ARHGAP24: variants seen among roughly 807,000 people sequenced by gnomAD.
ARHGAP24 encodes rho GTPase-activating protein 24.
A neutral mutation model predicts 76.4 loss-of-function variants in ARHGAP24; 50 were observed. The observed-to-expected ratio is 0.65, with a 90% CI of 0.52 to 0.83. The LOEUF is 0.83. Ranked by LOEUF, ARHGAP24 falls within the 40% of genes least tolerant of loss-of-function variation. ARHGAP24 has a pLI of 0.00. For synonymous variants in ARHGAP24, 345 were observed against 323.3 expected, an observed-to-expected ratio of 1.07 and a Z score of -0.72; for missense variants, 930 against 914.2, an observed-to-expected ratio of 1.02 and a Z score of -0.22.
chr4:85,874,918 A>AT lies in ARHGAP24; in HGVS notation c.269-48727dup, dbSNP rs1198185274. ...TTTTATATAATTTATATATAAATATATTTATATATAATTTATATATAATAT... is the reference window on the plus strand; with the variant it reads ...TTTTATATAATTTATATATAAATATATTTTATATATAATTTATATATAATAT... On this transcript the variant is annotated intron_variant, in intron 3 of 9. Transcript: ENST00000395184. Among the ~76,000 whole-genome samples, 40 of 87,430 alleles carry AT rather than the reference A, an allele frequency of 4.6e-4. 4 individuals carry two copies. The highest frequency in any genetic ancestry group is 1.3e-3 in the African/African-American group (27 of 20,452). 57.4% of individuals were successfully genotyped at this position (87,430 alleles called of 152,430 possible). A position where few individuals can be genotyped will look rare whatever the true frequency, so the allele number is the denominator to read the frequency against.
intron 2 of ARHGAP24, among the ~76,000 whole-genome samples, chr4:85,700,831 C>T (rs1028515365): frequency 6.6e-6 from 1 of 152,160 alleles, no homozygotes. Flanking sequence ...TGGAAAATCA[C>T]TCTATTTTTG....
chr4:85,686,299 AG>A (rs1723420224), intron 2 of ARHGAP24, among the ~76,000 whole-genome samples: 1 of 152,230 alleles, frequency 6.6e-6, no homozygotes, highest in Non-Finnish European at 1.5e-5. Flanking sequence ...ATGAAAATAA[AG>A]GAAATGGAGC....
chr4:85,535,763 T>TC (rs1339578348), intron 1 of ARHGAP24, among the ~76,000 whole-genome samples: 2 of 152,148 alleles, frequency 1.3e-5, no homozygotes, highest in Admixed American at 1.3e-4. Flanking sequence ...TGAATATGTC[T>TC]CCCCCCTATC....
intron 4 of ARHGAP24, among the ~76,000 whole-genome samples, chr4:85,940,466 A>G (rs1736893410): frequency 6.6e-6 from 1 of 152,104 alleles, no homozygotes; most frequent in Non-Finnish European, 1.5e-5. Context: ...AAAGGTTACA[A>G]GAAGACTTAT....
intron 8 of ARHGAP24, among the ~76,000 whole-genome samples, chr4:85,981,505 T>C (rs1316132086): frequency 6.6e-6 from 1 of 152,150 alleles, no homozygotes; most frequent in Admixed American, 6.6e-5. Context: ...AAATGACATG[T>C]TGTCACAACT....
intron 3 of ARHGAP24, among the ~76,000 whole-genome samples, chr4:85,811,467 G>T (rs533104056): frequency 1.1e-3 from 161 of 152,262 alleles, no homozygotes; most frequent in African/African-American, 3.6e-3. Flanking sequence ...TAATATGCAA[G>T]GGGAGCTCAC....
chr4:85,542,515 G>T (rs1725742345), intron 1 of ARHGAP24, among the ~76,000 whole-genome samples: 1 of 152,164 alleles, frequency 6.6e-6, no homozygotes, highest in South Asian at 2.1e-4. Flanking sequence ...TTTCTGTGCA[G>T]TTTGACTAAT....
chr4:85,977,240 T>G (rs1258590267), intron 7 of ARHGAP24, among the ~76,000 whole-genome samples: 2 of 152,206 alleles, frequency 1.3e-5, no homozygotes, highest in Admixed American at 1.3e-4. Context: ...AAATTATTAC[T>G]TTATTGAGGG....
intron 1 of ARHGAP24, among the ~76,000 whole-genome samples, chr4:85,565,612 C>T (rs1726809218): frequency 6.6e-6 from 1 of 152,188 alleles, no homozygotes; most frequent in Admixed American, 6.5e-5. Flanking sequence ...CGTGCATTCA[C>T]TGAGTGGATG....
At chr4:85,664,637 C>T (rs1722537823) in intron 2 of ARHGAP24, among the ~76,000 whole-genome samples, 1 of 150,490 alleles carries the variant, frequency 6.6e-6, no homozygotes, top group Admixed American at 6.6e-5. Flanking sequence ...CCTGCTTTCT[C>T]TTGTGGGCAT....
intron 2 of ARHGAP24, among the ~76,000 whole-genome samples, chr4:85,679,405 G>A (rs192669697): frequency 1.2e-4 from 18 of 152,238 alleles, no homozygotes; most frequent in East Asian, 1.9e-4. Flanking sequence ...CTGAACAGCC[G>A]TGCCAAAATG....
At chr4:85,777,008 G>A (rs1456671108) in intron 3 of ARHGAP24, among the ~76,000 whole-genome samples, 1 of 152,136 alleles carries the variant, frequency 6.6e-6, no homozygotes, top group East Asian at 1.9e-4. Context: ...CTTAACCTTT[G>A]CATAGGGCTC....
chr4:85,816,036 A>T (rs1311391132), intron 3 of ARHGAP24, among the ~76,000 whole-genome samples: 1 of 152,132 alleles, frequency 6.6e-6, no homozygotes, highest in Non-Finnish European at 1.5e-5. Context: ...CTACCACGAG[A>T]ACAGCATGGG....
At chr4:85,788,595 G>A (rs891784630) in intron 3 of ARHGAP24, among the ~76,000 whole-genome samples, 2 of 152,124 alleles carry the variant, frequency 1.3e-5, no homozygotes, top group Non-Finnish European at 2.9e-5. Context: ...CACTTTAGAC[G>A]GTTTAATAGA....
chr4:85,982,373 T>TTTTTG (rs6148555), intron 8 of ARHGAP24, among the ~76,000 whole-genome samples: 5,864 of 150,264 alleles, frequency 0.039, 249 homozygotes, highest in African/African-American at 0.1. Context: ...AGATAAGTTG[T>TTTTTG]TTTTGTTTTG....
chr4:85,932,611 C>T (rs181981640), intron 4 of ARHGAP24, among the ~76,000 whole-genome samples: 1 of 152,288 alleles, frequency 6.6e-6, no homozygotes, highest in Admixed American at 6.5e-5. Flanking sequence ...GGGTAGGGCA[C>T]AGCTTCCATC....
intron 3 of ARHGAP24, among the ~76,000 whole-genome samples, chr4:85,888,503 C>A (rs1733699875): frequency 6.6e-6 from 1 of 151,426 alleles, no homozygotes; most frequent in Admixed American, 6.6e-5. Context: ...TTGCTCTGAG[C>A]AGCAATTATT....
intron 3 of ARHGAP24, among the ~76,000 whole-genome samples, chr4:85,881,107 C>A (rs1733226787): frequency 6.6e-6 from 1 of 152,140 alleles, no homozygotes; most frequent in Non-Finnish European, 1.5e-5. Context: ...CACTGTGATA[C>A]CGCAACAATC....
At chr4:85,755,843 G>A (rs1696769276) in intron 3 of ARHGAP24, among the ~76,000 whole-genome samples, 2 of 151,898 alleles carry the variant, frequency 1.3e-5, no homozygotes, top group South Asian at 2.1e-4. Flanking sequence ...ATGTTGGTCA[G>A]GCTGGTCTCG....
Sources: gnomAD v4.1 joint callset for allele counts (sites outside exome capture counted in the v4.1 genomes callset) on GRCh38, gnomAD v4.1.1 for gene constraint, MANE v1.5 for transcripts, NCBI Gene and HGNC (gene_info 2026-07-23, HGNC 2026-07-21) for gene names.